Variants in RAB1A observed in about 807,000 individuals in gnomAD.
RAB1A encodes ras-related protein Rab-1A.
RAB1A carries 2 observed loss-of-function variants against 26.0 expected under a neutral mutation model. That is an observed-to-expected ratio of 0.08 (90% CI 0.03 to 0.24). The LOEUF (loss-of-function observed/expected upper bound fraction) is 0.24. Among genes scored for constraint, RAB1A ranks in the 10% least tolerant of loss-of-function variants. RAB1A has a pLI of 1.00. For synonymous variants in RAB1A, 84 were observed against 84.9 expected (o/e 0.99, Z 0.06); for missense variants, 100 against 247.0 (o/e 0.40, Z 3.99).
In RAB1A at chr2:65,087,004, A is replaced by G. The variant is rs1573058874; in HGVS notation, c.*1489T>C. The G allele has an allele frequency of 2.6e-5, 4 of 152,306 alleles. No individual in the cohort carries two copies. The East Asian group carries it at 7.7e-4, about 29-fold the overall frequency. The allele number at this position is 152,306 out of a possible 1,614,324, so 9.4% of individuals were successfully genotyped here. ...TGAAAAATAAAAATTAAAAAAACCTATTCATTTTTGGCTTGTGTTTAGCTT... is the reference window on the plus strand; with the variant it reads ...TGAAAAATAAAAATTAAAAAAACCTGTTCATTTTTGGCTTGTGTTTAGCTT... On this transcript the variant is annotated 3_prime_UTR_variant, in exon 6 of 6. Transcript: ENST00000409784.
intron 2 of RAB1A, among the ~76,000 whole-genome samples, 185 bp downstream of exon 2, chr2:65,104,549 G>C (rs1382668276): frequency 6.6e-6 from 1 of 152,084 alleles, no homozygotes; most frequent in Admixed American, 6.6e-5. Context: ...TCTTTTAAGA[G>C]CAACAATATT....
At position 65,120,986 on chromosome 2, in the gene RAB1A, T is replaced by C. The variant is rs75312742; in HGVS notation, c.23+8907A>G. 0.022 allele frequency among the ~76,000 whole-genome samples: 3,386 copies of C among 151,960 alleles called. 213 individuals are homozygous for C. The East Asian group carries it at 0.23, about 10-fold the overall frequency. ...AAAGACCATAGATGGCCAAGTGAGG[T>C]GGGTCACACCTGTAATCCCAACACT... On this transcript the variant is annotated intron_variant, in intron 1 of 5. Coordinates refer to ENST00000409784, the MANE Select transcript of RAB1A (RefSeq NM_004161.5).
rs190357348 is a variant in RAB1A, at chr2:65,093,560, T to C, written c.193-2482A>G. On this transcript the variant is annotated intron_variant, in intron 3 of 5. Coordinates refer to ENST00000409784, the MANE Select transcript of RAB1A (RefSeq NM_004161.5). Reference sequence around the variant, plus strand: ...AAGATTTTGAAAAGACCTAGAAAACTTGAAGGATTACTGAAGCCAAGCAAG... The same window carrying C: ...AAGATTTTGAAAAGACCTAGAAAACCTGAAGGATTACTGAAGCCAAGCAAG... 2.0e-3 allele frequency among the ~76,000 whole-genome samples: 310 copies of C among 151,524 alleles called. 5 individuals are homozygous for C. The highest frequency in any genetic ancestry group is 6.5e-3 in the African/African-American group (267 of 41,352).
At chr2:65,124,019 ACT>A (rs912040177) in intron 1 of RAB1A, among the ~76,000 whole-genome samples, 2 of 151,956 alleles carry the variant, frequency 1.3e-5, no homozygotes, top group Non-Finnish European at 2.9e-5. Context: ...ACAGAATCTC[ACT>A]CTGTCACCCA....
At chr2:65,090,879 A>G (rs966582448) in intron 4 of RAB1A, 104 bp downstream of exon 4, 9 of 650,114 alleles carry the variant, frequency 1.4e-5, no homozygotes, top group Non-Finnish European at 2.2e-5. Flanking sequence ...CTGCCATAAA[A>G]TTAATACTGA....
At chr2:65,103,981 T>C (rs1669497615) in intron 2 of RAB1A, among the ~76,000 whole-genome samples, 1 of 152,104 alleles carries the variant, frequency 6.6e-6, no homozygotes, top group African/African-American at 2.4e-5. Flanking sequence ...GGTTTCACCG[T>C]GTTAGCCAGG....
Position 65,118,461 on chromosome 2 carries a change from C to T in RAB1A, c.23+11432G>A, listed in dbSNP as rs115912872. 5.7e-3 allele frequency among the ~76,000 whole-genome samples: 863 copies of T among 152,046 alleles called. 9 individuals are homozygous for T. The highest frequency in any genetic ancestry group is 0.02 in the African/African-American group (822 of 41,496). ...AATATACTCTGATGATAGAGAAAGG[C>T]TATTTTCCTTTTTTGTTTGTTTGTT... On this transcript the variant is annotated intron_variant, in intron 1 of 5. Transcript: ENST00000409784.
chr2:65,116,877 C>T (rs1266497908), intron 1 of RAB1A, among the ~76,000 whole-genome samples: 10 of 152,206 alleles, frequency 6.6e-5, no homozygotes, highest in African/African-American at 2.4e-4. Flanking sequence ...GAAGGCAGCC[C>T]TCTGCTTCAT....
At chr2:65,111,944 G>A (rs1244554355) in intron 1 of RAB1A, among the ~76,000 whole-genome samples, 5 of 151,878 alleles carry the variant, frequency 3.3e-5, no homozygotes, top group Admixed American at 6.6e-5. Context: ...TTAGCCGGGC[G>A]TGGTGGCACG....
chr2:65,093,641 T>TC (rs1217829011), intron 3 of RAB1A, among the ~76,000 whole-genome samples: 4 of 147,880 alleles, frequency 2.7e-5, no homozygotes, highest in Non-Finnish European at 5.9e-5. Flanking sequence ...TTTTTTTTTT[T>TC]CAGACGGAGT....
At chr2:65,113,265 A>C (rs1669743724) in intron 1 of RAB1A, among the ~76,000 whole-genome samples, 1 of 152,202 alleles carries the variant, frequency 6.6e-6, no homozygotes, top group African/African-American at 2.4e-5. Context: ...ATATATGTAC[A>C]TTTATGATCT....
At chr2:65,108,624 T>C (rs1045997751) in intron 1 of RAB1A, among the ~76,000 whole-genome samples, 1 of 151,778 alleles carries the variant, frequency 6.6e-6, no homozygotes, top group Non-Finnish European at 1.5e-5. Context: ...CTGGCCAACA[T>C]GGTGCAATCC....
At chr2:65,103,185 C>T (rs1669471799) in intron 2 of RAB1A, among the ~76,000 whole-genome samples, 1 of 150,858 alleles carries the variant, frequency 6.6e-6, no homozygotes, top group Non-Finnish European at 1.5e-5. Flanking sequence ...GGCATGATGG[C>T]GCATCCACTT....
chr2:65,102,001 A>G (rs1443258299), intron 2 of RAB1A, among the ~76,000 whole-genome samples: 4 of 152,060 alleles, frequency 2.6e-5, no homozygotes, highest in Non-Finnish European at 5.9e-5. Context: ...CGCCAGCCTC[A>G]GCCTCTAAAT....
chr2:65,115,190 C>G (rs1669797157), intron 1 of RAB1A, among the ~76,000 whole-genome samples: 2 of 152,192 alleles, frequency 1.3e-5, no homozygotes, highest in Non-Finnish European at 2.9e-5. Context: ...CAGCAGAAAA[C>G]AGACTAAGAC....
At chr2:65,101,910 C>T (rs1354525070) in intron 2 of RAB1A, among the ~76,000 whole-genome samples, 2 of 151,744 alleles carry the variant, frequency 1.3e-5, no homozygotes, top group African/African-American at 2.4e-5. Flanking sequence ...CCACCACATC[C>T]GGCTAATTTT....
chr2:65,125,081 G>C (rs1181722315), intron 1 of RAB1A, among the ~76,000 whole-genome samples: 1 of 146,702 alleles, frequency 6.8e-6, no homozygotes, highest in Non-Finnish European at 1.5e-5. Context: ...AATGTTTCTT[G>C]AGTATAACAT....
intron 1 of RAB1A, among the ~76,000 whole-genome samples, chr2:65,125,863 CCTTTTTTT>C (rs1408218658): frequency 8.2e-6 from 1 of 121,964 alleles, no homozygotes; most frequent in African/African-American, 3.5e-5. Context: ...CTTTCAATTG[CCTTTTTTT>C]TTTTTTTTTT....
chr2:65,114,077 G>A, intron 1 of RAB1A: 1 of 412,444 alleles, frequency 2.4e-6, no homozygotes, highest in Non-Finnish European at 4.7e-6. Flanking sequence ...AGTAGGTCAG[G>A]TTGTAAACAG....
Sources: gnomAD v4.1 joint callset for allele counts (sites outside exome capture counted in the v4.1 genomes callset) on GRCh38, gnomAD v4.1.1 for gene constraint, MANE v1.5 for transcripts, NCBI Gene and HGNC (gene_info 2026-07-23, HGNC 2026-07-21) for gene names.